DACH2: variants seen among roughly 807,000 people sequenced by gnomAD.
DACH2 encodes the protein dachshund family transcription factor 2, also known as dachshund homolog 2.
In DACH2, 17 loss-of-function variants were observed where a neutral mutation model predicts 35.8. That is an observed-to-expected ratio of 0.48 (90% CI 0.33 to 0.71). DACH2 has a LOEUF of 0.71. Among genes scored for constraint, DACH2 ranks in the 30% least tolerant of loss-of-function variants. The probability of loss-of-function intolerance (pLI) is 0.02; values close to 1 mark genes in which losing one functional copy is unlikely to be tolerated. For missense variants in DACH2, 469 were observed against 472.7 expected, an observed-to-expected ratio of 0.99 and a Z score of 0.07; for synonymous variants, 195 against 177.3, an observed-to-expected ratio of 1.10 and a Z score of -0.79.
rs1349204729 is a variant in DACH2, at chrX:86,808,706, A to G, written c.1241-4150A>G. ...ATTTAGGGAAAAGATCTCAAATAAA[A>G]TAATAAAGTATAATTTACTTGATAA... is the stretch of plus-strand genomic sequence containing the variant. On this transcript the variant is annotated intron_variant, in intron 7 of 11. Transcript: ENST00000373125. 2.7e-5 allele frequency among the ~76,000 whole-genome samples: 3 copies of G among 111,102 alleles called. No homozygotes were observed. In the East Asian group the frequency reaches 8.4e-4, roughly 31 times the overall value.
chrX:86,641,997 C>A (rs896196412), intron 3 of DACH2, among the ~76,000 whole-genome samples: 1 of 111,665 alleles, frequency 9.0e-6, no homozygotes, highest in Admixed American at 9.5e-5. Flanking sequence ...CCAGCTAAGA[C>A]AAAAACACAC....
At chrX:86,615,898 A>AT (rs1449408121) in intron 3 of DACH2, among the ~76,000 whole-genome samples, 7 of 109,870 alleles carry the variant, frequency 6.4e-5, no homozygotes, top group Non-Finnish European at 9.5e-5. Context: ...TCCAATAATT[A>AT]TTTTTTTTCT....
At chrX:86,653,908 C>T (rs923699205) in intron 4 of DACH2, among the ~76,000 whole-genome samples, 3 of 110,174 alleles carry the variant, frequency 2.7e-5, no homozygotes, top group Non-Finnish European at 5.7e-5. Flanking sequence ...CTCAGGTGAT[C>T]CACCTGCCTT....
Position 86,399,586 on chromosome X carries a change from A to G in DACH2, c.527+22724A>G, listed in dbSNP as rs773338648. On this transcript the variant is annotated intron_variant, in intron 2 of 11. Transcript: ENST00000373125. ...TTTTAGGGCAGGTCTGGTGTGACAG[A>G]ATCTCTCAGCATTTGCTTGTCTGTA... Among the ~76,000 whole-genome samples, 3 of 111,713 alleles carry G rather than the reference A, an allele frequency of 2.7e-5. No homozygotes were observed. In the South Asian group the frequency reaches 1.1e-3, roughly 42 times the overall value.
At chrX:86,584,356 G>C (rs2039541080) in intron 3 of DACH2, among the ~76,000 whole-genome samples, 2 of 110,045 alleles carry the variant, frequency 1.8e-5, no homozygotes, top group Admixed American at 9.7e-5. Flanking sequence ...TGATACCTTT[G>C]CCATTTTTCA....
intron 5 of DACH2, among the ~76,000 whole-genome samples, chrX:86,701,359 C>T (rs1197178299): frequency 1.8e-5 from 2 of 111,184 alleles, no homozygotes; most frequent in Admixed American, 9.6e-5. Flanking sequence ...AAGGAGCTAC[C>T]GCAAAATAAT....
At chrX:86,299,523 G>A (rs956160152) in intron 1 of DACH2, among the ~76,000 whole-genome samples, 57 of 111,956 alleles carry the variant, frequency 5.1e-4, no homozygotes, top group Admixed American at 2.5e-3. Flanking sequence ...ATAAAGATAT[G>A]TGTGTTGAGA....
intron 7 of DACH2, among the ~76,000 whole-genome samples, chrX:86,788,697 G>T (rs1401084682): frequency 9.0e-6 from 1 of 111,617 alleles, no homozygotes; most frequent in Non-Finnish European, 1.9e-5. Flanking sequence ...TGGCTGAATT[G>T]CAGAGTAAAG....
At chrX:86,760,902 G>GT in intron 7 of DACH2, among the ~76,000 whole-genome samples, 1 of 110,343 alleles carries the variant, frequency 9.1e-6, no homozygotes, top group South Asian at 3.8e-4. Flanking sequence ...TCCTAAAGAT[G>GT]TTTTTTGGTA....
chrX:86,592,029 G>A (rs1205485853), intron 3 of DACH2, among the ~76,000 whole-genome samples: 2 of 110,741 alleles, frequency 1.8e-5, no homozygotes, highest in African/African-American at 6.6e-5. Context: ...AATTTTTAAA[G>A]TTCTAAACTA....
intron 3 of DACH2, among the ~76,000 whole-genome samples, chrX:86,560,655 T>C (rs1191090016): frequency 1.2e-5 from 1 of 84,249 alleles, no homozygotes; most frequent in Non-Finnish European, 2.3e-5. Context: ...GGGAAAGGAT[T>C]CCCTATTTAA....
intron 1 of DACH2, among the ~76,000 whole-genome samples, chrX:86,234,061 TGTTTATG>T (rs1272606098): frequency 8.9e-6 from 1 of 112,342 alleles, no homozygotes; most frequent in African/African-American, 3.2e-5. Context: ...TCATTGTAGG[TGTTTATG>T]GTTCAGGATA....
At chrX:86,455,413 T>A (rs963890918) in intron 2 of DACH2, among the ~76,000 whole-genome samples, 5 of 111,555 alleles carry the variant, frequency 4.5e-5, no homozygotes, top group Non-Finnish European at 9.4e-5. Context: ...GCAGCGATGG[T>A]GACCGTCCCT....
At chrX:86,292,585 A>C (rs1342575653) in intron 1 of DACH2, among the ~76,000 whole-genome samples, 3 of 110,471 alleles carry the variant, frequency 2.7e-5, no homozygotes, top group Non-Finnish European at 1.9e-5. Context: ...TTCCCTCTAC[A>C]CACTGCTTTG....
At chrX:86,340,660 C>G (rs959985329) in intron 1 of DACH2, among the ~76,000 whole-genome samples, 6 of 111,677 alleles carry the variant, frequency 5.4e-5, no homozygotes, top group Non-Finnish European at 1.1e-4. Flanking sequence ...ATGTCAAAAC[C>G]CTCTGAGATA....
At chrX:86,241,047 C>A (rs1602315159) in intron 1 of DACH2, among the ~76,000 whole-genome samples, 2 of 110,998 alleles carry the variant, frequency 1.8e-5, no homozygotes. Flanking sequence ...GGAGAATGGA[C>A]TAATAAAAAA....
At chrX:86,428,782 A>T (rs1483407018) in intron 2 of DACH2, among the ~76,000 whole-genome samples, 2 of 110,405 alleles carry the variant, frequency 1.8e-5, no homozygotes, top group African/African-American at 3.3e-5. Context: ...AAAAAAAAAA[A>T]TTTCAAACTC....
intron 2 of DACH2, among the ~76,000 whole-genome samples, chrX:86,466,147 A>G (rs1345866867): frequency 8.9e-6 from 1 of 111,832 alleles, no homozygotes; most frequent in Non-Finnish European, 1.9e-5. Flanking sequence ...TACTTCTTAC[A>G]TGGTGGCAGC....
intron 3 of DACH2, among the ~76,000 whole-genome samples, chrX:86,604,893 G>A (rs747783754): frequency 7.2e-5 from 8 of 111,735 alleles, no homozygotes; most frequent in Non-Finnish European, 9.4e-5. Flanking sequence ...GTAGGAGCCC[G>A]TCTGTGAGGA....
Sources: gnomAD v4.1 joint callset for allele counts (sites outside exome capture counted in the v4.1 genomes callset) on GRCh38, gnomAD v4.1.1 for gene constraint, MANE v1.5 for transcripts, NCBI Gene and HGNC (gene_info 2026-07-23, HGNC 2026-07-21) for gene names.